Variants in C8orf34 observed in about 807,000 individuals in gnomAD.
C8orf34 encodes the protein uncharacterized protein C8orf34.
A neutral mutation model predicts 68.3 loss-of-function variants in C8orf34; 65 were observed. The observed-to-expected ratio is 0.95, with a 90% confidence interval of 0.78 to 1.17. The LOEUF (loss-of-function observed/expected upper bound fraction) is 1.17. Among genes scored for constraint, C8orf34 ranks in the 50% most tolerant of loss-of-function variants. The pLI, the probability that C8orf34 is intolerant of heterozygous loss-of-function variation, is 0.00. For missense variants in C8orf34, 664 were observed against 655.4 expected (o/e 1.01, Z -0.14); for synonymous variants, 244 against 241.2 (o/e 1.01, Z -0.11).
At chr8:68,342,657 T>G (rs1806120355) in intron 1 of C8orf34, among the ~76,000 whole-genome samples, 1 of 152,132 alleles carries the variant, frequency 6.6e-6, no homozygotes, top group South Asian at 2.1e-4. Flanking sequence ...TTGGGTGAGG[T>G]GTGAATCATT....
chr8:68,772,827 T>TTTCTTTTC (rs1186820658), intron 10 of C8orf34, among the ~76,000 whole-genome samples: 1 of 148,310 alleles, frequency 6.7e-6, no homozygotes, highest in Non-Finnish European at 1.5e-5. Flanking sequence ...TCTGTCTGTC[T>TTTCTTTTC]TTCTTTTCTT....
chr8:68,625,121 T>C (rs946051217), intron 7 of C8orf34, among the ~76,000 whole-genome samples: 22 of 152,128 alleles, frequency 1.4e-4, no homozygotes, highest in African/African-American at 5.3e-4. Flanking sequence ...AGGTGAACTT[T>C]GAGCAGACAT....
intron 11 of C8orf34, among the ~76,000 whole-genome samples, chr8:68,781,015 G>T (rs1823660930): frequency 2.6e-5 from 4 of 152,050 alleles, no homozygotes; most frequent in African/African-American, 7.2e-5. Context: ...GGGATTCCAT[G>T]GTTATGGAAG....
At chr8:68,475,592 T>G (rs1425029217) in intron 4 of C8orf34, among the ~76,000 whole-genome samples, 1 of 152,204 alleles carries the variant, frequency 6.6e-6, no homozygotes, top group Non-Finnish European at 1.5e-5. Context: ...GTTAGTAGAT[T>G]TGACTTGTTT....
At chr8:68,777,416 A>G (rs2129528643) in intron 11 of C8orf34, among the ~76,000 whole-genome samples, 1 of 152,330 alleles carries the variant, frequency 6.6e-6, no homozygotes, top group South Asian at 2.1e-4. Context: ...TTTTCTTCAT[A>G]ATTACTAACG....
intron 1 of C8orf34, among the ~76,000 whole-genome samples, chr8:68,427,372 T>A (rs1810271486): frequency 6.6e-6 from 1 of 152,272 alleles, no homozygotes; most frequent in Middle Eastern, 3.4e-3. Context: ...TAAAAAGGAA[T>A]AAACCATTTA....
chr8:68,787,330 A>AT, intron 11 of C8orf34, 113 bp from the exon 12 acceptor site: 1 of 616,464 alleles, frequency 1.6e-6, no homozygotes, highest in Non-Finnish European at 2.7e-6. Context: ...TAATGAGGAA[A>AT]TTATTCTGAT....
At chr8:68,788,632 G>A (rs1008372105) in intron 12 of C8orf34, among the ~76,000 whole-genome samples, 1 of 152,126 alleles carries the variant, frequency 6.6e-6, no homozygotes, top group South Asian at 2.1e-4. Flanking sequence ...AGGCCAAGGT[G>A]GGCAGATCAC....
intron 8 of C8orf34, 117 bp from the exon 9 acceptor site, chr8:68,708,877 A>G (rs1162567613): frequency 2.8e-6 from 2 of 725,808 alleles, no homozygotes; most frequent in Non-Finnish European, 2.3e-6. Context: ...TCTATTTTGA[A>G]CATGCATATC....
At chr8:68,704,480 G>C (rs1821107928) in intron 8 of C8orf34, among the ~76,000 whole-genome samples, 1 of 152,132 alleles carries the variant, frequency 6.6e-6, no homozygotes, top group Admixed American at 6.6e-5. Flanking sequence ...TGCAGACACA[G>C]GTAGGGATTA....
At chr8:68,770,016 G>A (rs992525733) in intron 10 of C8orf34, among the ~76,000 whole-genome samples, 6 of 152,106 alleles carry the variant, frequency 3.9e-5, no homozygotes, top group Non-Finnish European at 7.4e-5. Flanking sequence ...AAGTAGATGG[G>A]GGACAAGAGA....
intron 12 of C8orf34, among the ~76,000 whole-genome samples, chr8:68,794,508 T>TATATATATATATATATATATAAAAA: frequency 9.4e-6 from 1 of 106,036 alleles, no homozygotes; most frequent in Admixed American, 8.7e-5. Context: ...TATATATATT[T>TATATATATATATATATATATAAAAA]TTTTTTTTTT....
chr8:68,755,963 A>C (rs1247731961), intron 10 of C8orf34, among the ~76,000 whole-genome samples: 1 of 151,698 alleles, frequency 6.6e-6, no homozygotes, highest in African/African-American at 2.4e-5. Context: ...GCTACTCGGG[A>C]GGCTGAGGCA....
intron 7 of C8orf34, among the ~76,000 whole-genome samples, chr8:68,638,128 C>A (rs1436498679): frequency 6.6e-6 from 1 of 152,152 alleles, no homozygotes; most frequent in African/African-American, 2.4e-5. Flanking sequence ...GCTGTCTACT[C>A]TCTGAGGTCA....
At chr8:68,719,427 T>C (rs962800074) in intron 9 of C8orf34, among the ~76,000 whole-genome samples, 5 of 152,042 alleles carry the variant, frequency 3.3e-5, no homozygotes, top group Admixed American at 1.3e-4. Context: ...AAGTTACTAA[T>C]ACTTTTGCTT....
rs115214307 is a variant in C8orf34 at position 68,735,570 on chromosome 8, A to G, written c.1404+14133A>G. ...TGGTCAAGTAACAAAACATTTACTT[A>G]TGTTAAATAATGTCATTAAACTTTT... On this transcript the variant is annotated intron_variant, in intron 10 of 13. Transcript: ENST00000518698. 5.4e-3 allele frequency among the ~76,000 whole-genome samples: 815 copies of G among 151,162 alleles called. 7 individuals carry two copies. The highest frequency in any genetic ancestry group is 0.018 in the African/African-American group (738 of 41,078).
intron 7 of C8orf34, among the ~76,000 whole-genome samples, chr8:68,586,785 T>C (rs1302913239): frequency 2.0e-5 from 3 of 152,160 alleles, no homozygotes; most frequent in Non-Finnish European, 2.9e-5. Flanking sequence ...AAAACTTCTT[T>C]TGTTTTGATG....
intron 1 of C8orf34, among the ~76,000 whole-genome samples, chr8:68,402,561 A>G (rs911495821): frequency 2.2e-4 from 33 of 152,218 alleles, no homozygotes; most frequent in African/African-American, 2.4e-4. Flanking sequence ...CTTCCCTCTT[A>G]GCACTGATTT....
At chr8:68,672,376 A>C (rs915316055) in intron 8 of C8orf34, among the ~76,000 whole-genome samples, 3 of 152,230 alleles carry the variant, frequency 2.0e-5, no homozygotes, top group Admixed American at 6.5e-5. Context: ...AGGGAAGGAA[A>C]GAGTCTTCAA....
Sources: gnomAD v4.1 joint callset for allele counts (sites outside exome capture counted in the v4.1 genomes callset) on GRCh38, gnomAD v4.1.1 for gene constraint, MANE v1.5 for transcripts, NCBI Gene and HGNC (gene_info 2026-07-23, HGNC 2026-07-21) for gene names.